Variants in CHD7 observed in about 807,000 individuals in gnomAD.
The protein encoded by CHD7 is chromodomain helicase DNA binding protein 7.
A neutral mutation model predicts 307.3 loss-of-function variants in CHD7; 24 were observed. That is an observed-to-expected ratio of 0.08 (90% CI 0.06 to 0.11). CHD7 has a LOEUF of 0.11. Among genes scored for constraint, CHD7 ranks in the 10% least tolerant of loss-of-function variants. CHD7 has a pLI of 1.00. For missense variants in CHD7, 3,106 were observed against 3,727.1 expected (o/e 0.83, Z 4.34); for synonymous variants, 1,363 against 1,349.9 (o/e 1.01, Z -0.21).
At chr8:60,711,209 T>G (rs1162003312) in intron 1 of CHD7, among the ~76,000 whole-genome samples, 1 of 152,196 alleles carries the variant, frequency 6.6e-6, no homozygotes, top group African/African-American at 2.4e-5. Context: ...ATTTTGTACT[T>G]AAGGACTTTT....
intron 1 of CHD7, among the ~76,000 whole-genome samples, chr8:60,690,668 C>T (rs1455428404): frequency 6.6e-6 from 1 of 152,160 alleles, no homozygotes; most frequent in Non-Finnish European, 1.5e-5. Context: ...AGTAATTTCC[C>T]CACACTGTGG....
At chr8:60,721,209 G>A (rs1422088492) in intron 1 of CHD7, among the ~76,000 whole-genome samples, 1 of 152,176 alleles carries the variant, frequency 6.6e-6, no homozygotes, top group East Asian at 1.9e-4. Flanking sequence ...CCTTTAGGGA[G>A]GTAATTAAGA....
At chr8:60,694,613 C>A (rs1806368831) in intron 1 of CHD7, among the ~76,000 whole-genome samples, 1 of 152,200 alleles carries the variant, frequency 6.6e-6, no homozygotes. Flanking sequence ...CCCAGAACAT[C>A]CTGCAAGGAC....
At chr8:60,827,815 A>G (rs1804321222) in intron 13 of CHD7, among the ~76,000 whole-genome samples, 1 of 151,924 alleles carries the variant, frequency 6.6e-6, no homozygotes, top group African/African-American at 2.4e-5. Flanking sequence ...TCAGATTCCA[A>G]ATTAAGTCAG....
chr8:60,783,837 T>C (rs886734093), intron 3 of CHD7, among the ~76,000 whole-genome samples: 3 of 152,100 alleles, frequency 2.0e-5, no homozygotes, highest in Admixed American at 6.5e-5. Context: ...TGACCACTTA[T>C]AGGGCCACTC....
intron 7 of CHD7, among the ~76,000 whole-genome samples, chr8:60,815,625 T>TG (rs1346253514): frequency 6.6e-6 from 1 of 151,970 alleles, no homozygotes; most frequent in Non-Finnish European, 1.5e-5. Flanking sequence ...GAGGAGGGGA[T>TG]GGGGAGTCTT....
intron 2 of CHD7, among the ~76,000 whole-genome samples, chr8:60,765,047 C>A (rs1057134584): frequency 4.6e-5 from 7 of 152,330 alleles, no homozygotes; most frequent in African/African-American, 1.4e-4. Context: ...GTGCCCTTTT[C>A]AAGAGCAGAG....
intron 21 of CHD7, 71 bp from the exon 22 acceptor site, chr8:60,844,793 T>C: frequency 7.6e-7 from 1 of 1,319,170 alleles, no homozygotes; most frequent in Admixed American, 2.4e-5. Flanking sequence ...CCAACGCTGG[T>C]ACCTGACTTA....
chr8:60,813,019 G>T (rs187394618), intron 7 of CHD7, among the ~76,000 whole-genome samples: 4 of 152,254 alleles, frequency 2.6e-5, no homozygotes, highest in Admixed American at 2.0e-4. Flanking sequence ...AATGTATGAT[G>T]TTGAGTTACA....
At chr8:60,733,780 T>C (rs1395829410) in intron 1 of CHD7, among the ~76,000 whole-genome samples, 1 of 139,224 alleles carries the variant, frequency 7.2e-6, no homozygotes. Flanking sequence ...AAGAACAGCT[T>C]TTTTTTTTTA....
intron 1 of CHD7, among the ~76,000 whole-genome samples, chr8:60,733,553 G>A (rs1453960039): frequency 6.6e-6 from 1 of 152,158 alleles, no homozygotes; most frequent in Non-Finnish European, 1.5e-5. Flanking sequence ...CTTCAGAGAG[G>A]TATTTGAATT....
rs376199019 is a variant in CHD7 at position 60,686,314 on chromosome 8, T to A, written c.-175+7232T>A. Among the ~76,000 whole-genome samples, 136 of 151,390 alleles carry A rather than the reference T, an allele frequency of 9.0e-4. 1 individual carries two copies. Among genetic ancestry groups the A allele is most frequent in the African/African-American group, 3.0e-3 (124 of 41,078 alleles). On this transcript the variant is annotated intron_variant, in intron 1 of 37. Transcript: ENST00000423902. The stretch of plus-strand genomic sequence containing the variant: ...GCCAACTACTCTGTGGCAATTTATA[T>A]CTAATACTATTTCTTCAACTTGCCA...
chr8:60,853,512 C>A lies in CHD7; in HGVS notation c.6775+12C>A. 1 of 1,502,770 alleles carries A rather than the reference C, an allele frequency of 6.7e-7. No homozygotes were observed. Among genetic ancestry groups the A allele is most frequent in the South Asian group, 1.4e-5 (1 of 70,258 alleles). 93.1% of individuals were successfully genotyped at this position (1,502,770 alleles called of 1,614,324 possible). On this transcript the variant is annotated intron_variant, in intron 31 of 37. Coordinates refer to ENST00000423902, the MANE Select transcript of CHD7 (RefSeq NM_017780.4). ...TTCCCAGCCCGAAGGTAAGGCCTTA[C>A]CACTGGCCCCTCTCCTGACCCTGCA...
chr8:60,687,303 T>C (rs941555167), intron 1 of CHD7, among the ~76,000 whole-genome samples: 2 of 151,758 alleles, frequency 1.3e-5, no homozygotes, highest in Non-Finnish European at 2.9e-5. Flanking sequence ...AGGAATATGA[T>C]AAAAAAAAAA....
rs1332678848 is a variant in CHD7 at position 60,866,160 on chromosome 8, G to A, written c.*227G>A. The A allele has an allele frequency of 2.5e-6, 1 of 392,426 alleles. No homozygotes were observed. Among genetic ancestry groups the A allele is most frequent in the Admixed American group, 4.0e-5 (1 of 24,854 alleles). The allele number at this position is 392,426 out of a possible 1,614,324, so 24.3% of individuals were successfully genotyped here. On this transcript the variant is annotated 3_prime_UTR_variant, in exon 38 of 38. Coordinates refer to ENST00000423902, the MANE Select transcript of CHD7 (RefSeq NM_017780.4). The stretch of plus-strand genomic sequence containing the variant: ...CCCTAGGAGAGATGAAATTTGAGAG[G>A]TGATCATGTCTTTTTAAGGAAACTT...
At chr8:60,690,898 A>G (rs1041811748) in intron 1 of CHD7, among the ~76,000 whole-genome samples, 3 of 152,162 alleles carry the variant, frequency 2.0e-5, no homozygotes, top group African/African-American at 7.2e-5. Context: ...TTTTCAGGTC[A>G]GGGAGCTGCC....
In CHD7 at chr8:60,851,256, T is replaced by C; in HGVS notation, c.5608-6T>C. 1 of 1,553,174 alleles carries C rather than the reference T, an allele frequency of 6.4e-7. No individual in the cohort carries two copies. The highest frequency in any genetic ancestry group is 8.7e-7 in the Non-Finnish European group (1 of 1,147,332). On this transcript the variant is annotated splice_polypyrimidine_tract_variant and splice_region_variant and intron_variant, in intron 27 of 37. Transcript: ENST00000423902. ...AAGTAATTCTGTTTCTTGCTTTGCT[T>C]TCAAGGAATTTGCAAATTCTCCTTC... is the stretch of plus-strand genomic sequence containing the variant.
intron 1 of CHD7, among the ~76,000 whole-genome samples, chr8:60,682,459 T>A (rs150816826): frequency 6.6e-6 from 1 of 152,362 alleles, no homozygotes; most frequent in East Asian, 1.9e-4. Context: ...TGCTTCTGTG[T>A]GCCTGCTGTG....
intron 2 of CHD7, among the ~76,000 whole-genome samples, chr8:60,748,099 A>C (rs759822239): frequency 6.6e-6 from 1 of 152,184 alleles, no homozygotes; most frequent in African/African-American, 2.4e-5. Flanking sequence ...AGGGAGAACA[A>C]TCTTGCTGTG....
Sources: allele counts gnomAD v4.1 joint callset (sites outside exome capture counted in the v4.1 genomes callset), GRCh38; gene constraint gnomAD v4.1.1; transcripts MANE v1.5; gene names NCBI Gene and HGNC (gene_info 2026-07-23, HGNC 2026-07-21).